Variants in ZAN observed in about 807,000 individuals in gnomAD.
ZAN encodes the protein zonadhesin, also known as zonadhesin (gene/pseudogene).
A neutral mutation model predicts 286.2 loss-of-function variants in ZAN; 260 were observed. The observed-to-expected ratio is 0.91, with a 90% CI of 0.82 to 1.01. The LOEUF (loss-of-function observed/expected upper bound fraction) is 1.01. Among genes scored for constraint, ZAN ranks in the 50% least tolerant of loss-of-function variants. The probability of loss-of-function intolerance (pLI) is 0.00; values close to 1 mark genes in which losing one functional copy is unlikely to be tolerated. For missense variants in ZAN, 3,410 were observed against 3,639.2 expected (o/e 0.94, Z 1.62); for synonymous variants, 1,368 against 1,417.5 (o/e 0.97, Z 0.79).
intron 23 of ZAN, 59 bp downstream of exon 23, chr7:100,765,613 C>T: frequency 6.6e-7 from 1 of 1,509,462 alleles, no homozygotes; most frequent in Admixed American, 2.1e-5. Context: ...TCCCTGCTCT[C>T]ACACCCCCTG....
intron 35 of ZAN, among the ~76,000 whole-genome samples, chr7:100,782,923 A>G (rs1811284760): frequency 6.6e-6 from 1 of 152,316 alleles, no homozygotes; most frequent in East Asian, 1.9e-4. Flanking sequence ...CTGTCGGTCC[A>G]TCTGTATTTG....
At chr7:100,776,378 A>G in intron 33 of ZAN, 62 bp from the exon 34 acceptor site, 1 of 1,532,338 alleles carries the variant, frequency 6.5e-7, no homozygotes, top group South Asian at 1.2e-5. Context: ...GAAAGAAGGA[A>G]GGAAGGGAGA....
At chr7:100,771,529 T>A (rs1290602483) in intron 28 of ZAN, among the ~76,000 whole-genome samples, 1 of 151,960 alleles carries the variant, frequency 6.6e-6, no homozygotes, top group Non-Finnish European at 1.5e-5. Context: ...CCTCCTGGGT[T>A]CAAGAGATTC....
intron 12 of ZAN, 49 bp from the exon 13 acceptor site, chr7:100,751,133 G>A (rs1455048289): frequency 6.8e-7 from 1 of 1,475,590 alleles, no homozygotes; most frequent in African/African-American, 1.4e-5. Flanking sequence ...AGAGTTGCTG[G>A]AGATTCATTT....
chr7:100,765,161 C>A (rs999796205), intron 22 of ZAN, among the ~76,000 whole-genome samples, 191 bp from the exon 23 acceptor site: 1 of 152,192 alleles, frequency 6.6e-6, no homozygotes, highest in African/African-American at 2.4e-5. Flanking sequence ...TCAGGGCCGG[C>A]GCCTTAGTGC....
intron 15 of ZAN, among the ~76,000 whole-genome samples, chr7:100,757,159 G>GTTT (rs561510292): frequency 1.4e-4 from 21 of 147,180 alleles, no homozygotes; most frequent in African/African-American, 4.2e-4. Flanking sequence ...GTTTTTTGGG[G>GTTT]TTTTTTTTTT....
At chr7:100,796,423 T>C (rs1812367353) in intron 45 of ZAN, among the ~76,000 whole-genome samples, 1 of 113,214 alleles carries the variant, frequency 8.8e-6, no homozygotes, top group African/African-American at 4.4e-5. Context: ...GGAATCTGCT[T>C]TTTTTTTTTT....
chr7:100,735,894 C>A, intron 3 of ZAN, 122 bp downstream of exon 3: 1 of 773,624 alleles, frequency 1.3e-6, no homozygotes, highest in Non-Finnish European at 2.1e-6. Flanking sequence ...CTCCGGGCAT[C>A]AGCCAGGACT....
At chr7:100,747,087 A>G (rs1808277377) in intron 8 of ZAN, among the ~76,000 whole-genome samples, 1 of 151,708 alleles carries the variant, frequency 6.6e-6, no homozygotes, top group African/African-American at 2.4e-5. Flanking sequence ...CCTCTCAAAT[A>G]AAAAAGAAAG....
chr7:100,797,517 A>G, intron 46 of ZAN, 52 bp downstream of exon 46: 1 of 1,613,740 alleles, frequency 6.2e-7, no homozygotes, highest in Admixed American at 1.7e-5. Flanking sequence ...CAAACCGGGA[A>G]GCGGCTGGGC....
At chr7:100,768,506 T>G in intron 26 of ZAN, 104 bp from the exon 27 acceptor site, 1 of 939,198 alleles carries the variant, frequency 1.1e-6, no homozygotes, top group Non-Finnish European at 1.6e-6. Context: ...AGGGTTAACC[T>G]TGCTATGTAG....
In ZAN at chr7:100,736,592, C is replaced by T. The variant is rs773140419; in HGVS notation, c.216C>T (p.Thr72=). ...DWVRASGPSP[T]GSTGAPGGYP... ...TTCGAGCCAGTGGGCCCTCTCCCACCGGCTCCACCGGGGCCCCCGGGGGGT... is the reference window on the plus strand; with the variant it reads ...TTCGAGCCAGTGGGCCCTCTCCCACTGGCTCCACCGGGGCCCCCGGGGGGT... The change falls in exon 4 of 48, where the codon ACC becomes ACT. Residue 72 remains threonine, a synonymous_variant. Transcript: ENST00000613979. 1.1e-5 allele frequency: 17 copies of T among 1,522,996 alleles called. 3 individuals are homozygous for T. The highest frequency in any genetic ancestry group is 2.8e-5 in the African/African-American group (2 of 71,578). 94.3% of individuals were successfully genotyped at this position (1,522,996 alleles called of 1,614,324 possible). A position where few individuals can be genotyped will look rare whatever the true frequency, so the allele number is the denominator to read the frequency against.
At position 100,788,203 on chromosome 7, in the gene ZAN, G is replaced by A. The variant is rs1214980963; in HGVS notation, c.7227+67G>A. 4.2e-6 allele frequency: 6 copies of A among 1,421,688 alleles called. No homozygotes were observed. In the African/African-American group the frequency reaches 5.7e-5, roughly 14 times the overall value. 88.1% of individuals were successfully genotyped at this position (1,421,688 alleles called of 1,614,324 possible). ...TGGACCAGGTAGGCCACCTGGAGTAGAAGTCAGGGATCCCTGTTCCCTGGG... is the reference window on the plus strand; with the variant it reads ...TGGACCAGGTAGGCCACCTGGAGTAAAAGTCAGGGATCCCTGTTCCCTGGG... On this transcript the variant is annotated intron_variant, in intron 38 of 47. Transcript: ENST00000613979.
At chr7:100,751,113 G>A in intron 12 of ZAN, 69 bp from the exon 13 acceptor site, 2 of 1,405,018 alleles carry the variant, frequency 1.4e-6, no homozygotes, top group Non-Finnish European at 1.9e-6. Context: ...TCTATGCCCA[G>A]TGGAATCACA....
chr7:100,796,620 T>C (rs1487455169), intron 45 of ZAN, among the ~76,000 whole-genome samples: 2 of 152,066 alleles, frequency 1.3e-5, no homozygotes, highest in Non-Finnish European at 2.9e-5. Context: ...TTCGCCATGT[T>C]GGCCAGGTTG....
Position 100,765,482 on chromosome 7 carries a change from C to G in ZAN, c.4398C>G (p.Phe1466Leu). 1 of 1,613,122 alleles carries G rather than the reference C, an allele frequency of 6.2e-7. No homozygotes were observed. The highest frequency in any genetic ancestry group is 8.5e-7 in the Non-Finnish European group (1 of 1,179,578). ...CVEACECNPGFVLSGLECIPR... is the reference protein window; with the variant it reads ...CVEACECNPGLVLSGLECIPR... ...AGGCCTGTGAATGCAATCCGGGCTT[C>G]GTCCTCAGTGGCCTCGAGTGCATAC... The change falls in exon 23 of 48, where the codon TTC becomes TTG. Residue 1466 changes from phenylalanine to leucine, a missense_variant. Physicochemically the swap from Phe to Leu is conservative, Grantham distance 22. Coordinates refer to ENST00000613979, the MANE Select transcript of ZAN (RefSeq NM_003386.3).
In ZAN at chr7:100,779,492, C is replaced by G. The variant is rs750614545; in HGVS notation, c.6364C>G (p.Gln2122Glu). The G allele has an allele frequency of 2.5e-6, 4 of 1,611,960 alleles. No individual in the cohort carries two copies. The change falls in exon 35 of 48, where the codon CAG becomes GAG. Residue 2122 changes from glutamine (Q) to glutamate (E), a missense_variant. Around this residue, in one of 7 missense-constraint regions of ZAN, gnomAD observed 1,289 missense variants for 1,314.3 expected, o/e 0.98. Coordinates refer to ENST00000613979, the MANE Select transcript of ZAN (RefSeq NM_003386.3). ...VDEQQIPAEQQENPSGNCRAA... is the reference protein window; with the variant it reads ...VDEQQIPAEQEENPSGNCRAA... ...TGAGCAGCAGATTCCAGCGGAACAG[C>G]AGGAGAACCCGAGTGGAAACTGCAG...
intron 35 of ZAN, among the ~76,000 whole-genome samples, chr7:100,782,578 G>A (rs1038769483): frequency 1.3e-5 from 2 of 152,056 alleles, no homozygotes; most frequent in Non-Finnish European, 2.9e-5. Context: ...TGATCTGCCC[G>A]CCTCGTCCTC....
chr7:100,758,394 C>A, intron 16 of ZAN, 51 bp downstream of exon 16: 1 of 1,597,498 alleles, frequency 6.3e-7, no homozygotes, highest in Non-Finnish European at 8.6e-7. Context: ...TTGGAGTAGA[C>A]GTGACGCCAG....
Sources: gnomAD v4.1 joint callset for allele counts (sites outside exome capture counted in the v4.1 genomes callset) on GRCh38, gnomAD v4.1.1 for gene constraint, gnomAD v4.1.1 regional missense constraint, MANE v1.5 for transcripts, NCBI Gene and HGNC (gene_info 2026-07-23, HGNC 2026-07-21) for gene names.